The following ITGA9 variants were observed in gnomAD, a reference collection of about 807,000 sequenced individuals.
ITGA9 encodes the protein integrin alpha-9.
Under a neutral mutation model 127.8 loss-of-function variants are expected in ITGA9, and 56 were observed. The observed-to-expected ratio is 0.44, with a 90% CI of 0.35 to 0.55. ITGA9 has a LOEUF of 0.55. Ranked by LOEUF, ITGA9 falls within the 20% of genes least tolerant of loss-of-function variation. The pLI is 0.00. For synonymous variants in ITGA9, 508 were observed against 514.5 expected (o/e 0.99, Z 0.17); for missense variants, 1,196 against 1,347.1 (o/e 0.89, Z 1.76).
intron 15 of ITGA9, among the ~76,000 whole-genome samples, chr3:37,584,614 G>A (rs1699739992): frequency 6.6e-6 from 1 of 152,012 alleles, no homozygotes; most frequent in African/African-American, 2.4e-5. Context: ...ATTTATCTGG[G>A]CATGGTGGCA....
chr3:37,556,960 T>C (rs1575148748), intron 15 of ITGA9, among the ~76,000 whole-genome samples: 1 of 152,314 alleles, frequency 6.6e-6, no homozygotes, highest in East Asian at 1.9e-4. Context: ...GAGGGTGGTG[T>C]GGGCTATAAT....
rs1697507273 is a variant in ITGA9 at position 37,820,966 on chromosome 3, A to G, written c.*1977A>G. On this transcript the variant is annotated 3_prime_UTR_variant, in exon 28 of 28. Coordinates refer to ENST00000264741, the MANE Select transcript of ITGA9 (RefSeq NM_002207.3). ...ACATACTTGGCTAATACTCACAAAC[A>G]TATCTAAAGTTTTGGCAAAATTATG... is the stretch of plus-strand genomic sequence containing the variant. 1 of 152,202 alleles carries G rather than the reference A, an allele frequency of 6.6e-6. No homozygotes were observed. The highest frequency in any genetic ancestry group is 2.1e-4 in the South Asian group (1 of 4,828). 9.4% of individuals were successfully genotyped at this position (152,202 alleles called of 1,614,324 possible).
chr3:37,473,161 A>T (rs1044783290), intron 2 of ITGA9, among the ~76,000 whole-genome samples, 193 bp from the exon 3 acceptor site: 1 of 140,054 alleles, frequency 7.1e-6, no homozygotes, highest in Non-Finnish European at 1.6e-5. Flanking sequence ...AAAAAAAAAA[A>T]GAAAGAAAAA....
chr3:37,725,957 G>A (rs1324716748), intron 18 of ITGA9, among the ~76,000 whole-genome samples: 1 of 152,218 alleles, frequency 6.6e-6, no homozygotes, highest in Non-Finnish European at 1.5e-5. Context: ...TTTTCTTCAT[G>A]GGTAGGAACT....
intron 4 of ITGA9, among the ~76,000 whole-genome samples, chr3:37,493,265 G>T (rs540710717): frequency 9.8e-5 from 15 of 152,296 alleles, no homozygotes; most frequent in African/African-American, 3.6e-4. Flanking sequence ...CACTCAGAAC[G>T]GCAGGAAGTG....
chr3:37,639,721 G>A (rs1700314208), intron 16 of ITGA9, among the ~76,000 whole-genome samples: 1 of 152,146 alleles, frequency 6.6e-6, no homozygotes, highest in African/African-American at 2.4e-5. Flanking sequence ...GAAAGAGCTT[G>A]TTGCAGGGGC....
At chr3:37,633,433 A>T (rs146850996) in intron 16 of ITGA9, among the ~76,000 whole-genome samples, 191 of 152,352 alleles carry the variant, frequency 1.3e-3, no homozygotes, top group African/African-American at 4.3e-3. Flanking sequence ...CAGAACACTT[A>T]CATTAGCCTA....
intron 17 of ITGA9, among the ~76,000 whole-genome samples, chr3:37,665,335 G>A (rs1700576161): frequency 1.3e-5 from 2 of 152,126 alleles, no homozygotes; most frequent in South Asian, 4.1e-4. Context: ...ATTTCTCAAT[G>A]GTATATTCTT....
At chr3:37,778,896 T>A (rs1464509108) in intron 24 of ITGA9, among the ~76,000 whole-genome samples, 2 of 108,430 alleles carry the variant, frequency 1.8e-5, no homozygotes, top group Admixed American at 1.0e-4. Flanking sequence ...TTTTTTTTTT[T>A]ACTTACATAG....
intron 17 of ITGA9, among the ~76,000 whole-genome samples, chr3:37,682,365 C>T (rs1353704118): frequency 6.6e-6 from 1 of 152,248 alleles, no homozygotes; most frequent in African/African-American, 2.4e-5. Flanking sequence ...TTGTTCTGGC[C>T]TGTCTGCCAT....
intron 16 of ITGA9, among the ~76,000 whole-genome samples, chr3:37,635,976 G>A (rs990915331): frequency 5.3e-5 from 8 of 151,768 alleles, no homozygotes; most frequent in Non-Finnish European, 8.8e-5. Flanking sequence ...ATTTTTTATG[G>A]CTGCATAGTA....
intron 13 of ITGA9, among the ~76,000 whole-genome samples, chr3:37,526,842 G>T (rs573693737): frequency 7.9e-5 from 12 of 152,360 alleles, no homozygotes; most frequent in African/African-American, 2.9e-4. Context: ...CCACACCCCA[G>T]ATCCTTCTTA....
intron 15 of ITGA9, among the ~76,000 whole-genome samples, chr3:37,590,835 C>T (rs537505526): frequency 3.2e-4 from 48 of 152,238 alleles, no homozygotes; most frequent in Non-Finnish European, 5.6e-4. Context: ...AGCCTCCAGC[C>T]GATATGCCTA....
intron 15 of ITGA9, among the ~76,000 whole-genome samples, chr3:37,616,933 C>G (rs1168053104): frequency 3.9e-5 from 6 of 152,120 alleles, no homozygotes; most frequent in Non-Finnish European, 5.9e-5. Context: ...GCCAGTCTGT[C>G]TTTTAATTGG....
chr3:37,585,708 CTTACT>C (rs1699751731), intron 15 of ITGA9: 1 of 498,718 alleles, frequency 2.0e-6, no homozygotes, highest in African/African-American at 2.0e-5. Context: ...TAGTAATTGC[CTTACT>C]TTATTTGCGA....
chr3:37,518,408 T>C (rs1323532750), intron 10 of ITGA9, among the ~76,000 whole-genome samples: 2 of 152,186 alleles, frequency 1.3e-5, no homozygotes, highest in Non-Finnish European at 2.9e-5. Flanking sequence ...TGCAGACACA[T>C]GACTTTGTTA....
intron 23 of ITGA9, among the ~76,000 whole-genome samples, chr3:37,770,579 A>G (rs1445611016): frequency 6.6e-6 from 1 of 152,150 alleles, no homozygotes; most frequent in Non-Finnish European, 1.5e-5. Flanking sequence ...ACAGCTCTTG[A>G]CTTCCCTTCT....
intron 18 of ITGA9, among the ~76,000 whole-genome samples, chr3:37,724,010 T>G (rs772364539): frequency 2.0e-5 from 3 of 152,188 alleles, no homozygotes; most frequent in Non-Finnish European, 2.9e-5. Flanking sequence ...ACTTCAGTAT[T>G]TCTCCCAGGA....
At chr3:37,572,672 T>C (rs998474246) in intron 15 of ITGA9, among the ~76,000 whole-genome samples, 3 of 152,214 alleles carry the variant, frequency 2.0e-5, no homozygotes, top group African/African-American at 7.2e-5. Context: ...CTGTAATGTG[T>C]GATATTTATG....
Sources: allele counts gnomAD v4.1 joint callset (sites outside exome capture counted in the v4.1 genomes callset), GRCh38; gene constraint gnomAD v4.1.1; transcripts MANE v1.5; gene names NCBI Gene and HGNC (gene_info 2026-07-23, HGNC 2026-07-21).